Variants in APBB2 observed in about 807,000 individuals in gnomAD.
The protein encoded by APBB2 is Fe65-like 1.
In APBB2, 38 loss-of-function variants were observed where a neutral mutation model predicts 82.5. The observed-to-expected ratio is 0.46, with a 90% CI of 0.36 to 0.60. The LOEUF is 0.60. Ranked by LOEUF, APBB2 falls within the 20% of genes least tolerant of loss-of-function variation. The probability of loss-of-function intolerance (pLI) is 0.00; values close to 1 mark genes in which losing one functional copy is unlikely to be tolerated. For missense variants in APBB2, 772 were observed against 972.3 expected (o/e 0.79, Z 2.74); for synonymous variants, 341 against 368.2 (o/e 0.93, Z 0.85).
intron 2 of APBB2, among the ~76,000 whole-genome samples, chr4:41,111,075 C>T (rs1161793507): frequency 2.6e-5 from 4 of 152,172 alleles, no homozygotes; most frequent in Non-Finnish European, 5.9e-5. Context: ...ACCTAGATCC[C>T]TCGCATGCAC....
intron 6 of APBB2, among the ~76,000 whole-genome samples, chr4:40,969,655 G>A (rs1186311310): frequency 6.6e-6 from 1 of 152,130 alleles, no homozygotes; most frequent in Non-Finnish European, 1.5e-5. Context: ...CCAGTCCCTG[G>A]ATGTTTTAAA....
At chr4:41,206,535 C>T (rs1777978257) in intron 1 of APBB2, among the ~76,000 whole-genome samples, 1 of 152,198 alleles carries the variant, frequency 6.6e-6, no homozygotes, top group Non-Finnish European at 1.5e-5. Context: ...TATACACAGA[C>T]CTTGGTTCTT....
At chr4:41,013,441 T>C in intron 6 of APBB2, 142 bp downstream of exon 6, 1 of 760,672 alleles carries the variant, frequency 1.3e-6, no homozygotes, top group Non-Finnish European at 2.1e-6. Flanking sequence ...ATTTTGCAAA[T>C]AAATTGCCCA....
chr4:40,834,263 T>C (rs992879371), intron 12 of APBB2, among the ~76,000 whole-genome samples: 3 of 152,126 alleles, frequency 2.0e-5, no homozygotes, highest in African/African-American at 7.2e-5. Flanking sequence ...AAAACAGGTG[T>C]CTTCTCCTCA....
chr4:41,140,611 T>C (rs1580355584), intron 2 of APBB2, among the ~76,000 whole-genome samples: 1 of 152,166 alleles, frequency 6.6e-6, no homozygotes, highest in Non-Finnish European at 1.5e-5. Flanking sequence ...GGTACCAGTC[T>C]GTGGCCTGTT....
intron 12 of APBB2, among the ~76,000 whole-genome samples, chr4:40,845,480 T>G (rs895954545): frequency 2.7e-5 from 4 of 150,776 alleles, no homozygotes; most frequent in African/African-American, 9.8e-5. Flanking sequence ...GGCTGTTCCT[T>G]GGGAAAATAA....
At chr4:40,915,189 C>A (rs1023690735) in intron 10 of APBB2, among the ~76,000 whole-genome samples, 1 of 152,218 alleles carries the variant, frequency 6.6e-6, no homozygotes, top group South Asian at 2.1e-4. Context: ...GGGCTCCCCC[C>A]ACCCTCCCAA....
intron 3 of APBB2, among the ~76,000 whole-genome samples, chr4:41,073,647 T>A (rs1734637847): frequency 6.6e-6 from 1 of 152,170 alleles, no homozygotes; most frequent in Admixed American, 6.5e-5. Flanking sequence ...TCCAACTCTC[T>A]TAACAAATAA....
At chr4:41,160,162 C>T (rs1049892928) in intron 1 of APBB2, among the ~76,000 whole-genome samples, 6 of 152,084 alleles carry the variant, frequency 3.9e-5, no homozygotes, top group African/African-American at 1.2e-4. Context: ...GGGCCCAGGG[C>T]AAGCTGGCTG....
intron 2 of APBB2, among the ~76,000 whole-genome samples, chr4:41,105,695 T>C (rs1285471958): frequency 1.3e-5 from 2 of 152,054 alleles, no homozygotes; most frequent in South Asian, 2.1e-4. Context: ...CCATCCTGGC[T>C]AACACAGTGA....
chr4:40,845,752 C>T (rs1037478008), intron 12 of APBB2, among the ~76,000 whole-genome samples: 2 of 152,050 alleles, frequency 1.3e-5, no homozygotes, highest in African/African-American at 4.8e-5. Context: ...GAGGCAAGGA[C>T]TTGCCAGTAG....
chr4:40,861,021 T>A (rs1021783809), intron 12 of APBB2, among the ~76,000 whole-genome samples: 3 of 152,176 alleles, frequency 2.0e-5, no homozygotes, highest in Non-Finnish European at 4.4e-5. Flanking sequence ...TCTGACCAGC[T>A]GGGCAATATA....
At chr4:41,164,049 G>T (rs1765855703) in intron 1 of APBB2, among the ~76,000 whole-genome samples, 1 of 152,190 alleles carries the variant, frequency 6.6e-6, no homozygotes, top group Admixed American at 6.5e-5. Context: ...TAGAGTTTCG[G>T]ATTTTGTATT....
intron 12 of APBB2, among the ~76,000 whole-genome samples, chr4:40,870,676 G>A (rs1334755523): frequency 1.3e-5 from 2 of 151,736 alleles, no homozygotes; most frequent in South Asian, 2.1e-4. Flanking sequence ...CCTGGAACCT[G>A]CAAATGTTAC....
chr4:41,159,347 T>A (rs1322743505), intron 1 of APBB2, among the ~76,000 whole-genome samples: 2 of 152,114 alleles, frequency 1.3e-5, no homozygotes, highest in African/African-American at 4.8e-5. Context: ...CCTATCTACC[T>A]CAAAAGGGCT....
At chr4:41,047,278 G>A (rs985566283) in intron 4 of APBB2, among the ~76,000 whole-genome samples, 3 of 152,196 alleles carry the variant, frequency 2.0e-5, no homozygotes, top group Non-Finnish European at 2.9e-5. Context: ...AGAAAAGAGA[G>A]GCAGATAAAA....
chr4:40,933,728 G>A (rs1417891756), intron 10 of APBB2, among the ~76,000 whole-genome samples: 6 of 152,236 alleles, frequency 3.9e-5, no homozygotes, highest in South Asian at 2.1e-4. Flanking sequence ...GCACAGGGAC[G>A]CTGGGAGGTG....
intron 15 of APBB2, 196 bp downstream of exon 15, chr4:40,825,691 C>T (rs1749673422): frequency 3.6e-6 from 2 of 561,814 alleles, no homozygotes; most frequent in Non-Finnish European, 6.4e-6. Context: ...GATGACAGGT[C>T]AAAGCAGCGG....
rs1296702425 is a variant in APBB2 at position 41,000,093 on chromosome 4, G to GTC, written c.835+13489_835+13490insGA. 2.8e-5 allele frequency among the ~76,000 whole-genome samples: 4 copies of GTC among 142,978 alleles called. No homozygotes were observed. The East Asian group carries it at 8.5e-4, about 30-fold the overall frequency. 93.8% of individuals were successfully genotyped at this position (142,978 alleles called of 152,430 possible). On this transcript the variant is annotated intron_variant, in intron 6 of 17. Transcript: ENST00000508593. ...TATGTGTGTGTGTGTGTGTGTGTGTGTGTGTGTGTGTGTATAAATTAGCCA... is the reference window on the plus strand; with the variant it reads ...TATGTGTGTGTGTGTGTGTGTGTGTGTCTGTGTGTGTGTGTATAAATTAGCCA...
Sources: gnomAD v4.1 joint callset for allele counts (sites outside exome capture counted in the v4.1 genomes callset) on GRCh38, gnomAD v4.1.1 for gene constraint, MANE v1.5 for transcripts, NCBI Gene and HGNC (gene_info 2026-07-23, HGNC 2026-07-21) for gene names.